GULP1: variants seen among roughly 807,000 people sequenced by gnomAD.
GULP1 encodes PTB domain-containing engulfment adapter protein 1.
A neutral mutation model predicts 40.9 loss-of-function variants in GULP1; 19 were observed. The ratio of observed to expected loss-of-function variants is 0.46; its 90% CI spans 0.32 to 0.68. The LOEUF is 0.68. Among genes scored for constraint, GULP1 ranks in the 30% least tolerant of loss-of-function variants. GULP1 has a pLI of 0.03. For missense variants in GULP1, 312 were observed against 362.2 expected (o/e 0.86, Z 1.12); for synonymous variants, 119 against 117.6 (o/e 1.01, Z -0.08).
In GULP1 at chr2:188,492,101, G is replaced by A. The variant is rs572401136; in HGVS notation, c.90+8609G>A. On this transcript the variant is annotated intron_variant, in intron 4 of 11. Transcript: ENST00000409830. ...TTCAATATCTTGCACAGATGTGATC[G>A]CAAAGCAGTACAAAGAGGTTGCTGG... Among the ~76,000 whole-genome samples the A allele has an allele frequency of 3.4e-4, 52 of 152,050 alleles. 1 individual carries two copies. In the Middle Eastern group the frequency reaches 0.01, roughly 30 times the overall value.
At chr2:188,303,804 T>G (rs537682928) in intron 1 of GULP1, among the ~76,000 whole-genome samples, 1 of 152,298 alleles carries the variant, frequency 6.6e-6, no homozygotes, top group East Asian at 1.9e-4. Context: ...GCAATAAACA[T>G]GCTTGAGATG....
intron 2 of GULP1, among the ~76,000 whole-genome samples, chr2:188,428,747 T>C (rs1218424902): frequency 1.3e-5 from 2 of 152,180 alleles, no homozygotes; most frequent in South Asian, 2.1e-4. Flanking sequence ...CTCTTTTCTT[T>C]ATAATTTAAC....
intron 7 of GULP1, among the ~76,000 whole-genome samples, chr2:188,552,927 A>G (rs1373547514): frequency 6.6e-6 from 1 of 151,024 alleles, no homozygotes; most frequent in Non-Finnish European, 1.5e-5. Flanking sequence ...ATACGTATAT[A>G]TATGCATGTG....
chr2:188,480,505 T>C (rs2061362339), intron 3 of GULP1, among the ~76,000 whole-genome samples: 1 of 152,032 alleles, frequency 6.6e-6, no homozygotes, highest in South Asian at 2.1e-4. Flanking sequence ...TATTTCTTGA[T>C]TGAATTCACT....
At chr2:188,354,714 C>A (rs148903040) in intron 1 of GULP1, among the ~76,000 whole-genome samples, 11 of 152,242 alleles carry the variant, frequency 7.2e-5, no homozygotes, top group Admixed American at 2.6e-4. Context: ...TACACATTTT[C>A]CGACCATTTT....
intron 1 of GULP1, among the ~76,000 whole-genome samples, chr2:188,354,285 G>T (rs1337796033): frequency 6.6e-6 from 1 of 152,066 alleles, no homozygotes; most frequent in Non-Finnish European, 1.5e-5. Flanking sequence ...GTTGGGTCTG[G>T]TTCCCAAACT....
intron 4 of GULP1, among the ~76,000 whole-genome samples, chr2:188,518,352 A>G (rs773443172): frequency 3.3e-5 from 5 of 152,300 alleles, no homozygotes; most frequent in Middle Eastern, 3.4e-3. Flanking sequence ...TAAGCTCTGC[A>G]TCATAACATT....
intron 1 of GULP1, among the ~76,000 whole-genome samples, chr2:188,372,409 G>C (rs540122056): frequency 1.3e-4 from 20 of 152,100 alleles, no homozygotes; most frequent in Non-Finnish European, 2.8e-4. Flanking sequence ...AAATGTCTGC[G>C]AAAGTTTACA....
chr2:188,298,806 A>G (rs940053232), intron 1 of GULP1, among the ~76,000 whole-genome samples: 1 of 152,218 alleles, frequency 6.6e-6, no homozygotes, highest in Admixed American at 6.5e-5. Flanking sequence ...GAGGTTTTAG[A>G]GAACAACATT....
intron 2 of GULP1, among the ~76,000 whole-genome samples, chr2:188,415,280 T>A (rs528737886): frequency 6.6e-6 from 1 of 152,174 alleles, no homozygotes; most frequent in Non-Finnish European, 1.5e-5. Flanking sequence ...GAATGAAGGC[T>A]ACTTTGGTTC....
At chr2:188,378,257 T>C (rs1180249101) in intron 1 of GULP1, among the ~76,000 whole-genome samples, 2 of 144,642 alleles carry the variant, frequency 1.4e-5, no homozygotes, top group African/African-American at 5.2e-5. Context: ...TCAATTCTAC[T>C]CATCACAGTG....
chr2:188,340,378 T>TAAGA (rs1478607041), intron 1 of GULP1, among the ~76,000 whole-genome samples: 5 of 152,052 alleles, frequency 3.3e-5, no homozygotes, highest in Non-Finnish European at 7.3e-5. Flanking sequence ...GCAACAGGGG[T>TAAGA]GCCTTGCTTA....
intron 2 of GULP1, among the ~76,000 whole-genome samples, chr2:188,473,437 C>T (rs542974115): frequency 2.6e-5 from 4 of 152,336 alleles, no homozygotes; most frequent in Admixed American, 2.6e-4. Flanking sequence ...GTCAAAACCA[C>T]TTAGAAGTCT....
intron 1 of GULP1, among the ~76,000 whole-genome samples, chr2:188,311,473 G>A (rs2038092236): frequency 6.6e-6 from 1 of 152,128 alleles, no homozygotes. Context: ...TGGGATTATA[G>A]GCGTGAGCCA....
chr2:188,506,315 A>G (rs532311725), intron 4 of GULP1, among the ~76,000 whole-genome samples: 1 of 152,020 alleles, frequency 6.6e-6, no homozygotes, highest in East Asian at 1.9e-4. Context: ...AATGATAAAT[A>G]TATTTTCCTA....
At chr2:188,434,279 T>TA (rs1389503514) in intron 2 of GULP1, among the ~76,000 whole-genome samples, 1 of 151,538 alleles carries the variant, frequency 6.6e-6, no homozygotes, top group Non-Finnish European at 1.5e-5. Context: ...TTCTCCTTTA[T>TA]AAAAAATGCC....
At chr2:188,446,325 A>C (rs1373966255) in intron 2 of GULP1, among the ~76,000 whole-genome samples, 1 of 152,140 alleles carries the variant, frequency 6.6e-6, no homozygotes, top group African/African-American at 2.4e-5. Context: ...ATTTTCTGGG[A>C]TATTTACCAA....
At chr2:188,323,317 C>T (rs1036774219) in intron 1 of GULP1, among the ~76,000 whole-genome samples, 4 of 151,956 alleles carry the variant, frequency 2.6e-5, no homozygotes, top group African/African-American at 7.2e-5. Flanking sequence ...AGAAGAAAGG[C>T]ATGGGTTTTA....
intron 9 of GULP1, among the ~76,000 whole-genome samples, chr2:188,581,712 C>T (rs1056047648): frequency 6.6e-6 from 1 of 152,126 alleles, no homozygotes; most frequent in African/African-American, 2.4e-5. Context: ...TTTGGAGCTC[C>T]TCATGACTAT....
Sources: gnomAD v4.1 joint callset for allele counts (sites outside exome capture counted in the v4.1 genomes callset) on GRCh38, gnomAD v4.1.1 for gene constraint, MANE v1.5 for transcripts, NCBI Gene and HGNC (gene_info 2026-07-23, HGNC 2026-07-21) for gene names.